Variants in TBC1D8 observed in about 807,000 individuals in gnomAD.
TBC1D8 encodes the protein TBC1 domain family member 8, also known as BUB2-like protein 1.
A neutral mutation model predicts 118.8 loss-of-function variants in TBC1D8; 65 were observed. The ratio of observed to expected loss-of-function variants is 0.55; its 90% confidence interval spans 0.45 to 0.67. TBC1D8 has a LOEUF of 0.67. Ranked by LOEUF, TBC1D8 falls within the 30% of genes least tolerant of loss-of-function variation. The pLI, the probability that TBC1D8 is intolerant of heterozygous loss-of-function variation, is 0.00. For synonymous variants in TBC1D8, 566 were observed against 595.8 expected (o/e 0.95, Z 0.73); for missense variants, 1,376 against 1,471.2 (o/e 0.94, Z 1.06).
rs1214623093 is a variant in TBC1D8, at chr2:101,037,220, A to AC, written c.1452+311dup. On this transcript the variant is annotated intron_variant, in intron 8 of 19. Transcript: ENST00000409318. Reference sequence around the variant, plus strand: ...AAAAAGGAAAGCTATAACGCGGGGCACACAGACAGCACTGGCTGGAAGGAG... The same window carrying AC: ...AAAAAGGAAAGCTATAACGCGGGGCACCACAGACAGCACTGGCTGGAAGGAG... Among the ~76,000 whole-genome samples the AC allele has an allele frequency of 5.9e-5, 9 of 152,200 alleles. 1 individual carries two copies. The highest frequency in any genetic ancestry group is 6.5e-5 in the Admixed American group (1 of 15,282).
At chr2:101,017,728 T>C (rs1679760311) in intron 17 of TBC1D8, 12 of 972,506 alleles carry the variant, frequency 1.2e-5, no homozygotes, top group Admixed American at 2.4e-5. Context: ...CATCACTTTA[T>C]CACAGGCAAG....
intron 1 of TBC1D8, among the ~76,000 whole-genome samples, chr2:101,116,266 G>A (rs183759508): frequency 8.3e-4 from 127 of 152,276 alleles, no homozygotes; most frequent in African/African-American, 2.9e-3. Context: ...ATGGACTCCA[G>A]TCCAAGGAAG....
At chr2:101,112,395 T>C (rs1190561134) in intron 1 of TBC1D8, among the ~76,000 whole-genome samples, 1 of 152,196 alleles carries the variant, frequency 6.6e-6, no homozygotes, top group Non-Finnish European at 1.5e-5. Context: ...GCAATTAGAT[T>C]TCATTTCTCG....
At chr2:101,090,470 G>A in intron 1 of TBC1D8, 106 bp from the exon 2 acceptor site, 1 of 1,245,444 alleles carries the variant, frequency 8.0e-7, no homozygotes, top group Non-Finnish European at 1.1e-6. Context: ...TGGGGTAGCA[G>A]AGACAGTTTT....
intron 2 of TBC1D8, among the ~76,000 whole-genome samples, chr2:101,072,452 A>G (rs1201049735): frequency 6.6e-6 from 1 of 152,172 alleles, no homozygotes; most frequent in Non-Finnish European, 1.5e-5. Context: ...TCTCGTGTGA[A>G]CTGAGTAAGA....
intron 3 of TBC1D8, among the ~76,000 whole-genome samples, chr2:101,057,666 A>G (rs1040404602): frequency 1.3e-5 from 2 of 152,174 alleles, no homozygotes; most frequent in Non-Finnish European, 2.9e-5. Flanking sequence ...TCTACAAAAA[A>G]TAAAAACATT....
chr2:101,077,264 C>T (rs1390325315), intron 2 of TBC1D8, among the ~76,000 whole-genome samples: 5 of 135,182 alleles, frequency 3.7e-5, no homozygotes, highest in East Asian at 2.2e-4. Context: ...ACCTCGTGAT[C>T]GACCCACCTC....
intron 1 of TBC1D8, among the ~76,000 whole-genome samples, chr2:101,118,151 A>C (rs1277081035): frequency 6.6e-6 from 1 of 151,998 alleles, no homozygotes. Flanking sequence ...ACACAGCCAG[A>C]CCGCCATGTA....
At chr2:101,009,578 A>G (rs919191006) in intron 19 of TBC1D8, among the ~76,000 whole-genome samples, 3 of 152,238 alleles carry the variant, frequency 2.0e-5, no homozygotes, top group African/African-American at 7.2e-5. Context: ...GTTAATACTG[A>G]TAGCTCTGAG....
At position 101,058,674 on chromosome 2, in the gene TBC1D8, T is replaced by C. The variant is rs185796325; in HGVS notation, c.402+747A>G. On this transcript the variant is annotated intron_variant, in intron 3 of 19. Coordinates refer to ENST00000409318, the MANE Select transcript of TBC1D8 (RefSeq NM_001330348.2). ...GCTTTCATTACATTTAATTTACATA[T>C]TTTAAGAATAAACATCCACTTCTAG... 1.2e-4 allele frequency among the ~76,000 whole-genome samples: 18 copies of C among 152,110 alleles called. No individual in the cohort carries two copies. The East Asian group carries it at 3.3e-3, about 28-fold the overall frequency.
chr2:101,085,913 G>A (rs1025287517), intron 2 of TBC1D8, among the ~76,000 whole-genome samples: 3 of 152,142 alleles, frequency 2.0e-5, no homozygotes, highest in Admixed American at 6.6e-5. Flanking sequence ...AGGCTGAGGC[G>A]GGTGGATCAC....
intron 6 of TBC1D8, 34 bp from the exon 7 acceptor site, chr2:101,038,689 CG>C: frequency 6.2e-7 from 1 of 1,608,560 alleles, no homozygotes. Flanking sequence ...GACAGAAGGG[CG>C]GGAGGAAGGT....
At chr2:101,056,046 T>C (rs1682407349) in intron 3 of TBC1D8, among the ~76,000 whole-genome samples, 1 of 151,334 alleles carries the variant, frequency 6.6e-6, no homozygotes, top group African/African-American at 2.4e-5. Context: ...TTTCTCTTTT[T>C]TTTTTTTTGG....
At chr2:101,115,515 C>A (rs1474754392) in intron 1 of TBC1D8, among the ~76,000 whole-genome samples, 1 of 152,166 alleles carries the variant, frequency 6.6e-6, no homozygotes, top group Non-Finnish European at 1.5e-5. Flanking sequence ...CTTTGGGAGG[C>A]CAAGGCAGGT....
chr2:101,019,274 CACA>C, intron 17 of TBC1D8: 1 of 414,266 alleles, frequency 2.4e-6, no homozygotes, highest in South Asian at 6.6e-5. Flanking sequence ...TCTTTAGGCA[CACA>C]AATTCACATT....
chr2:101,131,107 T>G (rs1678572329), intron 1 of TBC1D8, among the ~76,000 whole-genome samples: 1 of 152,182 alleles, frequency 6.6e-6, no homozygotes, highest in African/African-American at 2.4e-5. Context: ...CTTGCTATGT[T>G]GTCCAGGCTG....
intron 1 of TBC1D8, among the ~76,000 whole-genome samples, chr2:101,099,280 G>T (rs901522561): frequency 1.3e-5 from 2 of 152,048 alleles, no homozygotes; most frequent in African/African-American, 4.8e-5. Flanking sequence ...TAAATTTCTG[G>T]ACGCATACCA....
At chr2:101,074,465 A>G (rs974616350) in intron 2 of TBC1D8, among the ~76,000 whole-genome samples, 1 of 152,242 alleles carries the variant, frequency 6.6e-6, no homozygotes, top group Non-Finnish European at 1.5e-5. Flanking sequence ...AAATAGTGCT[A>G]ACAGATTTGC....
chr2:101,125,446 T>C (rs1359964627), intron 1 of TBC1D8, among the ~76,000 whole-genome samples: 2 of 152,186 alleles, frequency 1.3e-5, no homozygotes, highest in Non-Finnish European at 2.9e-5. Context: ...CAGGCCTCCT[T>C]CCAGAAATTT....
Sources: allele counts gnomAD v4.1 joint callset (sites outside exome capture counted in the v4.1 genomes callset), GRCh38; gene constraint gnomAD v4.1.1; transcripts MANE v1.5; gene names NCBI Gene and HGNC (gene_info 2026-07-23, HGNC 2026-07-21).